The following ABCA10 variants were observed in gnomAD, a reference collection of about 807,000 sequenced individuals.
ABCA10 encodes the protein ATP-binding cassette sub-family A member 10.
Under a neutral mutation model 187.5 loss-of-function variants are expected in ABCA10, and 169 were observed. That is an observed-to-expected ratio of 0.90 (90% CI 0.80 to 1.02). The LOEUF is 1.02. ABCA10 is among the 50% of genes least tolerant of loss of function. The probability of loss-of-function intolerance (pLI) is 0.00; values close to 1 mark genes in which losing one functional copy is unlikely to be tolerated. For missense variants in ABCA10, 1,727 were observed against 1,812.4 expected (o/e 0.95, Z 0.86); for synonymous variants, 574 against 601.8 (o/e 0.95, Z 0.68).
intron 8 of ABCA10, 81 bp downstream of exon 8, chr17:69,215,734 A>T (rs1398067141): frequency 1.6e-6 from 2 of 1,258,188 alleles, no homozygotes; most frequent in Non-Finnish European, 2.1e-6. Context: ...TGATTATTAA[A>T]TTTCATGAGG....
intron 25 of ABCA10, among the ~76,000 whole-genome samples, chr17:69,171,025 AC>A (rs1568054639): frequency 6.6e-6 from 1 of 152,230 alleles, no homozygotes; most frequent in Admixed American, 6.5e-5. Flanking sequence ...GATGGATTCT[AC>A]ACTGCATGTC....
At chr17:69,156,269 A>G (rs1213251699) in intron 28 of ABCA10, among the ~76,000 whole-genome samples, 14 of 152,210 alleles carry the variant, frequency 9.2e-5, no homozygotes, top group Admixed American at 9.2e-4. Context: ...AACTGGTTTT[A>G]TATGGAACCA....
At chr17:69,216,746 C>T (rs1057243745) in intron 6 of ABCA10, among the ~76,000 whole-genome samples, 1 of 151,228 alleles carries the variant, frequency 6.6e-6, no homozygotes, top group Non-Finnish European at 1.5e-5. Flanking sequence ...AGTGGAAAAA[C>T]AACGACAATC....
intron 9 of ABCA10, among the ~76,000 whole-genome samples, chr17:69,211,519 T>G (rs971996344): frequency 6.6e-6 from 1 of 151,758 alleles, no homozygotes; most frequent in South Asian, 2.1e-4. Context: ...GGATTCCCTC[T>G]TTCTCTATCT....
intron 25 of ABCA10, among the ~76,000 whole-genome samples, chr17:69,172,534 T>C (rs2144777149): frequency 6.6e-6 from 1 of 152,312 alleles, no homozygotes; most frequent in East Asian, 1.9e-4. Context: ...CGTGGACTTC[T>C]GACCTCTAGA....
At chr17:69,158,347 A>G (rs2074190106) in intron 27 of ABCA10, among the ~76,000 whole-genome samples, 1 of 152,014 alleles carries the variant, frequency 6.6e-6, no homozygotes, top group African/African-American at 2.4e-5. Flanking sequence ...GCAAGATAAG[A>G]ATCTGAAAAA....
At chr17:69,190,307 TTTCTC>T in intron 18 of ABCA10, 46 bp downstream of exon 18, 1 of 1,498,582 alleles carries the variant, frequency 6.7e-7, no homozygotes, top group Non-Finnish European at 8.8e-7. Context: ...ACATCATCTT[TTTCTC>T]TTCTCTTTTT....
rs1390585988 is a variant in ABCA10, at chr17:69,156,863, T to C, written c.3424A>G (p.Asn1142Asp). Residue 1142 changes from asparagine (N) to aspartate (D), a missense_variant, in exon 28 of 39, where the codon AAT (asparagine) becomes GAT (aspartate). Asn to Asp is a conservative substitution (Grantham distance 23). Coordinates refer to ENST00000690296, the MANE Select transcript of ABCA10 (RefSeq NM_001377321.1). Reference sequence around the variant, plus strand: ...ACTGGGTCTTTATTCATTATTTCATTTCCATACTTCATTTCCAGACACCTT... The same window carrying C: ...ACTGGGTCTTTATTCATTATTTCATCTCCATACTTCATTTCCAGACACCTT... Reference protein sequence around the residue: ...VIRCLEMKYGNEIMNKDPVFR... With the variant: ...VIRCLEMKYGDEIMNKDPVFR... 2 of 1,589,238 alleles carry C rather than the reference T, an allele frequency of 1.3e-6. No individual in the cohort carries two copies. Among genetic ancestry groups the C allele is most frequent in the Non-Finnish European group, 1.7e-6 (2 of 1,168,080 alleles).
chr17:69,155,150 C>T lies in ABCA10; in HGVS notation c.3577-14G>A. On this transcript the variant is annotated splice_polypyrimidine_tract_variant and intron_variant, in intron 29 of 38. Coordinates refer to ENST00000690296, the MANE Select transcript of ABCA10 (RefSeq NM_001377321.1). ...TATGACTGGTTCCTGGAAAACATGA[C>T]AAAGCATGATTTCCCTGTTAAATTT... is the stretch of plus-strand genomic sequence containing the variant. 6.5e-7 allele frequency: 1 copy of T among 1,533,488 alleles called. No homozygotes were observed. Among genetic ancestry groups the T allele is most frequent in the Non-Finnish European group, 9.0e-7 (1 of 1,112,892 alleles). 95.0% of individuals were successfully genotyped at this position (1,533,488 alleles called of 1,614,324 possible). A position where few individuals can be genotyped will look rare whatever the true frequency, so the allele number is the denominator to read the frequency against.
At chr17:69,220,048 G>C (rs1420893547) in intron 5 of ABCA10, among the ~76,000 whole-genome samples, 1 of 152,182 alleles carries the variant, frequency 6.6e-6, no homozygotes, top group Admixed American at 6.5e-5. Context: ...CATTCTCATA[G>C]AGATTTACAT....
chr17:69,214,118 C>G (rs561641077), intron 9 of ABCA10, among the ~76,000 whole-genome samples: 1 of 152,146 alleles, frequency 6.6e-6, no homozygotes, highest in Non-Finnish European at 1.5e-5. Context: ...TGTTTTCCTC[C>G]CTCTCTCAAA....
intron 16 of ABCA10, 115 bp from the exon 17 acceptor site, chr17:69,191,430 T>C (rs910171556): frequency 1.8e-6 from 2 of 1,108,586 alleles, no homozygotes; most frequent in African/African-American, 3.2e-5. Context: ...TCTACTTAAC[T>C]CTAGTAATTG....
At chr17:69,214,660 AC>A in intron 9 of ABCA10, 43 bp downstream of exon 9, 2 of 1,386,906 alleles carry the variant, frequency 1.4e-6, no homozygotes, top group Non-Finnish European at 1.9e-6. Context: ...GTTTTAAGAA[AC>A]AGAATTGCTT....
intron 27 of ABCA10, among the ~76,000 whole-genome samples, chr17:69,158,464 A>C (rs1484512747): frequency 1.3e-5 from 2 of 151,924 alleles, no homozygotes; most frequent in East Asian, 3.8e-4. Flanking sequence ...ATGGGAACAA[A>C]ATTTTATGGC....
chr17:69,165,947 A>T (rs1479110912), intron 25 of ABCA10, among the ~76,000 whole-genome samples: 1 of 152,196 alleles, frequency 6.6e-6, no homozygotes, highest in East Asian at 1.9e-4. Flanking sequence ...GTTAAACTAT[A>T]TCAAAACATG....
At chr17:69,172,762 G>A (rs962522364) in intron 25 of ABCA10, among the ~76,000 whole-genome samples, 1 of 151,272 alleles carries the variant, frequency 6.6e-6, no homozygotes, top group African/African-American at 2.4e-5. Flanking sequence ...GTAACTTCAA[G>A]AATATCAAAA....
chr17:69,244,055 T>C (rs903087276), intron 1 of ABCA10, among the ~76,000 whole-genome samples: 1 of 152,210 alleles, frequency 6.6e-6, no homozygotes, highest in African/African-American at 2.4e-5. Context: ...AATCAATTCA[T>C]TCAAAAATTC....
At chr17:69,156,954 C>T in intron 27 of ABCA10, 31 bp from the exon 28 acceptor site, 3 of 1,364,536 alleles carry the variant, frequency 2.2e-6, no homozygotes, top group Middle Eastern at 1.9e-4. Flanking sequence ...TCAGAATTAG[C>T]ATCACCATGG....
chr17:69,175,551 G>T, intron 22 of ABCA10, 38 bp from the exon 23 acceptor site: 1 of 1,467,144 alleles, frequency 6.8e-7, no homozygotes, highest in Non-Finnish European at 9.4e-7. Context: ...TGTTGCAATT[G>T]TTACAAATTA....
Sources: gnomAD v4.1 joint callset for allele counts (sites outside exome capture counted in the v4.1 genomes callset) on GRCh38, gnomAD v4.1.1 for gene constraint, MANE v1.5 for transcripts, NCBI Gene and HGNC (gene_info 2026-07-23, HGNC 2026-07-21) for gene names.